FTO: variants seen among roughly 807,000 people sequenced by gnomAD.
FTO encodes FTO alpha-ketoglutarate dependent dioxygenase.
In FTO, 47 loss-of-function variants were observed where a neutral mutation model predicts 63.9. The observed-to-expected ratio is 0.74, with a 90% CI of 0.58 to 0.94. The LOEUF (loss-of-function observed/expected upper bound fraction) is 0.94, where lower values mean the gene tolerates loss of function less well. Ranked by LOEUF, FTO falls within the 40% of genes least tolerant of loss-of-function variation. FTO has a pLI of 0.00. For missense variants in FTO, 562 were observed against 618.1 expected (o/e 0.91, Z 0.96); for synonymous variants, 207 against 224.4 (o/e 0.92, Z 0.69).
intron 1 of FTO, among the ~76,000 whole-genome samples, chr16:53,776,299 C>T (rs139793627): frequency 4.5e-4 from 68 of 152,108 alleles, no homozygotes; most frequent in African/African-American, 1.3e-3. Flanking sequence ...TTCTTGCCAG[C>T]GAGGAGGAGG....
intron 1 of FTO, among the ~76,000 whole-genome samples, chr16:53,805,223 T>C (rs8044769): frequency 0.59 from 89,789 of 151,898 alleles, 27,563 homozygotes; most frequent in African/African-American, 0.77. Flanking sequence ...AGGAGTGGGA[T>C]GAAAAATACA....
chr16:54,004,363 A>C (rs760879972), intron 8 of FTO, among the ~76,000 whole-genome samples: 5 of 151,552 alleles, frequency 3.3e-5, no homozygotes, highest in Non-Finnish European at 7.4e-5. Context: ...ACTGCACTGC[A>C]GCCTGGGCAA....
At chr16:53,838,670 G>A (rs2079376950) in intron 3 of FTO, among the ~76,000 whole-genome samples, 1 of 151,858 alleles carries the variant, frequency 6.6e-6, no homozygotes, top group South Asian at 2.1e-4. Context: ...ATAAGAAATA[G>A]GGCTGTTTTT....
intron 8 of FTO, among the ~76,000 whole-genome samples, chr16:54,108,289 C>A (rs1192003734): frequency 2.0e-5 from 3 of 152,162 alleles, no homozygotes; most frequent in African/African-American, 4.8e-5. Flanking sequence ...GGAACAACCA[C>A]CATTTGGAAG....
intron 8 of FTO, among the ~76,000 whole-genome samples, chr16:54,106,238 G>A (rs1273252622): frequency 6.6e-6 from 1 of 151,970 alleles, no homozygotes; most frequent in Non-Finnish European, 1.5e-5. Flanking sequence ...GGGCAGTGAC[G>A]CCCTTCATGA....
At chr16:53,949,702 A>G (rs910259066) in intron 8 of FTO, among the ~76,000 whole-genome samples, 43 of 151,586 alleles carry the variant, frequency 2.8e-4, no homozygotes, top group South Asian at 1.0e-3. Flanking sequence ...TTGTGCAAAA[A>G]AAAAAAAAAA....
rs138750325 is a variant in FTO, at chr16:54,091,468, A to C, written c.1365-20294A>C. On this transcript the variant is annotated intron_variant, in intron 8 of 8. Coordinates refer to ENST00000471389, the MANE Select transcript of FTO (RefSeq NM_001080432.3). ...GTTGGGAGGATCACTTGAGCTTAGG[A>C]GTTCAAGGCTGCAGTGAGCTGTGAT... 5.3e-5 allele frequency among the ~76,000 whole-genome samples: 8 copies of C among 152,296 alleles called. No individual in the cohort carries two copies. The East Asian group carries it at 1.5e-3, about 30-fold the overall frequency.
intron 8 of FTO, among the ~76,000 whole-genome samples, chr16:53,955,367 T>C (rs1311577741): frequency 6.6e-6 from 1 of 152,114 alleles, no homozygotes; most frequent in African/African-American, 2.4e-5. Context: ...AAAAAGAGGA[T>C]GTCAGATAAT....
intron 8 of FTO, among the ~76,000 whole-genome samples, chr16:54,061,380 A>AAG (rs1489070439): frequency 1.3e-5 from 2 of 152,188 alleles, no homozygotes; most frequent in African/African-American, 4.8e-5. Flanking sequence ...TATTACATTA[A>AAG]ATTTCCCATC....
chr16:53,849,462 A>G (rs1366047034), intron 4 of FTO, among the ~76,000 whole-genome samples: 2 of 152,180 alleles, frequency 1.3e-5, no homozygotes, highest in Non-Finnish European at 2.9e-5. Context: ...ATACCATTCC[A>G]TACGTATATT....
intron 7 of FTO, among the ~76,000 whole-genome samples, chr16:53,914,487 A>G (rs895970994): frequency 3.3e-5 from 5 of 152,062 alleles, no homozygotes; most frequent in African/African-American, 1.2e-4. Flanking sequence ...GTACTCTCTA[A>G]AGTCAAACAT....
intron 8 of FTO, among the ~76,000 whole-genome samples, chr16:53,971,683 C>G (rs766638564): frequency 7.9e-5 from 12 of 152,176 alleles, no homozygotes; most frequent in Non-Finnish European, 1.5e-4. Flanking sequence ...CTAGGGGACC[C>G]CCTGTCTCAG....
chr16:53,723,668 C>T lies in FTO; in HGVS notation c.45+19439C>T, dbSNP rs116089596. The stretch of plus-strand genomic sequence containing the variant: ...TGAGCTATAATCATATAGGCTTTTG[C>T]CTTCATTTATAAAAGAAAGACAAAA... On this transcript the variant is annotated intron_variant, in intron 1 of 8. Coordinates refer to ENST00000471389, the MANE Select transcript of FTO (RefSeq NM_001080432.3). Among the ~76,000 whole-genome samples, 1,269 of 152,286 alleles carry T rather than the reference C, an allele frequency of 8.3e-3. 15 individuals are homozygous for T. The highest frequency in any genetic ancestry group is 0.029 in the African/African-American group (1,212 of 41,566).
intron 8 of FTO, among the ~76,000 whole-genome samples, chr16:53,974,447 A>G (rs747219042): frequency 4.6e-5 from 7 of 152,222 alleles, no homozygotes; most frequent in Non-Finnish European, 7.3e-5. Context: ...AAGATTCACC[A>G]TGAGTAAATG....
At chr16:53,714,093 T>A (rs1158514387) in intron 1 of FTO, among the ~76,000 whole-genome samples, 1 of 152,218 alleles carries the variant, frequency 6.6e-6, no homozygotes, top group Non-Finnish European at 1.5e-5. Context: ...AGTTAAGACC[T>A]TTACAACTGG....
chr16:53,980,688 G>A (rs1382865062), intron 8 of FTO, among the ~76,000 whole-genome samples: 2 of 152,190 alleles, frequency 1.3e-5, no homozygotes, highest in Non-Finnish European at 2.9e-5. Context: ...CTGGGAGTAT[G>A]ATCTGTTAGG....
At chr16:53,988,248 C>G (rs912444884) in intron 8 of FTO, among the ~76,000 whole-genome samples, 3 of 152,064 alleles carry the variant, frequency 2.0e-5, no homozygotes, top group Non-Finnish European at 4.4e-5. Context: ...ATAATTCTTC[C>G]TTGTAAATAT....
At chr16:53,837,593 T>G (rs1202220737) in intron 3 of FTO, among the ~76,000 whole-genome samples, 2 of 152,178 alleles carry the variant, frequency 1.3e-5, no homozygotes, top group African/African-American at 4.8e-5. Context: ...AAGGAGTATG[T>G]GCTGTGTCAG....
chr16:53,990,053 G>T (rs75188448), intron 8 of FTO, among the ~76,000 whole-genome samples: 1 of 47,068 alleles, frequency 2.1e-5, no homozygotes, highest in Non-Finnish European at 4.6e-5. Context: ...CTGTTTATGT[G>T]AATCAGTAAG....
Sources: gnomAD v4.1 joint callset for allele counts (sites outside exome capture counted in the v4.1 genomes callset) on GRCh38, gnomAD v4.1.1 for gene constraint, MANE v1.5 for transcripts, NCBI Gene and HGNC (gene_info 2026-07-23, HGNC 2026-07-21) for gene names.